Variants in SOX5 observed in about 807,000 individuals in gnomAD.
SOX5 encodes the protein transcription factor SOX-5.
In SOX5, 9 loss-of-function variants were observed where a neutral mutation model predicts 92.0. That is an observed-to-expected ratio of 0.10 (90% CI 0.06 to 0.17). The LOEUF (loss-of-function observed/expected upper bound fraction) is 0.17. Among genes scored for constraint, SOX5 ranks in the 10% least tolerant of loss-of-function variants. The pLI, the probability that SOX5 is intolerant of heterozygous loss-of-function variation, is 1.00. For missense variants in SOX5, 642 were observed against 944.5 expected, an observed-to-expected ratio of 0.68 and a Z score of 4.20; for synonymous variants, 344 against 336.3, an observed-to-expected ratio of 1.02 and a Z score of -0.25.
chr12:24,204,023 C>T (rs1957782796), intron 4 of SOX5, among the ~76,000 whole-genome samples: 1 of 152,078 alleles, frequency 6.6e-6, no homozygotes, highest in Non-Finnish European at 1.5e-5. Flanking sequence ...CACTCCCTAT[C>T]ACCTCTTCAC....
chr12:24,013,803 C>T (rs769717576), intron 4 of SOX5, among the ~76,000 whole-genome samples: 2 of 152,142 alleles, frequency 1.3e-5, no homozygotes, highest in African/African-American at 2.4e-5. Flanking sequence ...AATTAGAATG[C>T]TGTAGTTTAA....
At chr12:24,549,370 C>T (rs1264582855) in intron 1 of SOX5, among the ~76,000 whole-genome samples, 2 of 152,176 alleles carry the variant, frequency 1.3e-5, no homozygotes, top group South Asian at 2.1e-4. Context: ...GTGTCTGGCT[C>T]ATAGTAGGCA....
In SOX5 at chr12:23,816,217, T is replaced by G. The variant is rs1294017049; in HGVS notation, c.481+29766A>C. Reference sequence around the variant, plus strand: ...ACTTGGACAAGATTTCTTTTTTTTTTTTTTTTTTGTTGGATGGAGTCTCGG... The same window carrying G: ...ACTTGGACAAGATTTCTTTTTTTTTGTTTTTTTTGTTGGATGGAGTCTCGG... On this transcript the variant is annotated intron_variant, in intron 3 of 14. Coordinates refer to ENST00000451604, the MANE Select transcript of SOX5 (RefSeq NM_006940.6). 8.2e-3 allele frequency among the ~76,000 whole-genome samples: 1,243 copies of G among 151,240 alleles called. 6 individuals are homozygous for G. Among genetic ancestry groups the G allele is most frequent in the Middle Eastern group, 0.021 (6 of 292 alleles).
chr12:23,821,300 C>T (rs575218668), intron 3 of SOX5, among the ~76,000 whole-genome samples: 17 of 152,204 alleles, frequency 1.1e-4, no homozygotes, highest in Non-Finnish European at 2.4e-4. Context: ...GCTGAAGTTG[C>T]TCATCAGCTT....
chr12:24,068,704 GTATA>G (rs1164844032), intron 4 of SOX5, among the ~76,000 whole-genome samples: 2,258 of 73,396 alleles, frequency 0.031, 44 homozygotes, highest in African/African-American at 0.056. Flanking sequence ...GTGTGTGTGT[GTATA>G]TATATATATA....
chr12:24,293,866 G>A (rs1008629491), intron 2 of SOX5, among the ~76,000 whole-genome samples: 1 of 151,992 alleles, frequency 6.6e-6, no homozygotes, highest in African/African-American at 2.4e-5. Context: ...TCCTCAAATG[G>A]CATAAAGTAT....
intron 4 of SOX5, among the ~76,000 whole-genome samples, chr12:24,083,864 T>C (rs1436800858): frequency 1.3e-5 from 2 of 152,052 alleles, no homozygotes; most frequent in African/African-American, 2.4e-5. Context: ...AAAATAGGTC[T>C]GGAAATCTAG....
chr12:24,311,108 CA>C (rs1350276024), intron 2 of SOX5, among the ~76,000 whole-genome samples: 1 of 152,116 alleles, frequency 6.6e-6, no homozygotes, highest in Non-Finnish European at 1.5e-5. Flanking sequence ...ACCCTCATTC[CA>C]GACGGTCCTG....
chr12:23,776,223 T>G (rs559977015), intron 3 of SOX5, among the ~76,000 whole-genome samples: 5 of 152,324 alleles, frequency 3.3e-5, no homozygotes, highest in Non-Finnish European at 7.4e-5. Flanking sequence ...TAAGTTCTCC[T>G]GGTCATTGTA....
intron 6 of SOX5, among the ~76,000 whole-genome samples, chr12:23,703,336 CT>C (rs2090929540): frequency 6.6e-6 from 1 of 151,994 alleles, no homozygotes. Flanking sequence ...GAGCTAGAAT[CT>C]GTTAATAACC....
rs563717060 is a variant in SOX5 at position 23,888,654 on chromosome 12, C to A, written c.270+7139G>T. Among the ~76,000 whole-genome samples the A allele has an allele frequency of 2.0e-5, 3 of 152,304 alleles. No individual in the cohort carries two copies. The East Asian group carries it at 5.8e-4, about 29-fold the overall frequency. On this transcript the variant is annotated intron_variant, in intron 2 of 14. Coordinates refer to ENST00000451604, the MANE Select transcript of SOX5 (RefSeq NM_006940.6). ...GGACCCCAACTGATTGTTTTTCACA[C>A]GTCCCCATTCCTGCTAGCCCTGGGG...
intron 1 of SOX5, among the ~76,000 whole-genome samples, chr12:24,511,451 T>G (rs1055690206): frequency 6.6e-6 from 1 of 152,212 alleles, no homozygotes; most frequent in Non-Finnish European, 1.5e-5. Context: ...AACATTTAGT[T>G]TGATCAAACT....
At chr12:23,715,131 C>A (rs1284244419) in intron 6 of SOX5, among the ~76,000 whole-genome samples, 1 of 151,894 alleles carries the variant, frequency 6.6e-6, no homozygotes, top group Non-Finnish European at 1.5e-5. Context: ...AACCCCGTCT[C>A]TACTAAAAAT....
At chr12:23,675,874 A>C (rs1210894781) in intron 6 of SOX5, among the ~76,000 whole-genome samples, 1 of 152,192 alleles carries the variant, frequency 6.6e-6, no homozygotes, top group African/African-American at 2.4e-5. Context: ...AGAAAACATA[A>C]AAATGGCCAA....
chr12:24,389,106 C>A (rs965654551), intron 1 of SOX5, among the ~76,000 whole-genome samples: 2 of 152,040 alleles, frequency 1.3e-5, no homozygotes, highest in Non-Finnish European at 2.9e-5. Flanking sequence ...TCCCTCCCCC[C>A]TCCTCCCACC....
intron 3 of SOX5, among the ~76,000 whole-genome samples, chr12:24,214,256 T>A (rs544477624): frequency 3.3e-5 from 5 of 152,066 alleles, no homozygotes; most frequent in Non-Finnish European, 7.4e-5. Context: ...AAACACTCTA[T>A]AAGTAGTCAC....
intron 3 of SOX5, among the ~76,000 whole-genome samples, chr12:23,819,781 T>C (rs1247030319): frequency 6.6e-6 from 1 of 152,220 alleles, no homozygotes; most frequent in African/African-American, 2.4e-5. Context: ...TACGGCTGCA[T>C]ACCATTTCAT....
At chr12:23,630,001 G>A (rs2078326280) in intron 8 of SOX5, among the ~76,000 whole-genome samples, 1 of 151,888 alleles carries the variant, frequency 6.6e-6, no homozygotes, top group Non-Finnish European at 1.5e-5. Context: ...CAACATGTAG[G>A]TGGAATAAGG....
At chr12:24,011,724 CAATT>C (rs1402327482) in intron 4 of SOX5, among the ~76,000 whole-genome samples, 1 of 152,068 alleles carries the variant, frequency 6.6e-6, no homozygotes, top group Non-Finnish European at 1.5e-5. Flanking sequence ...TCTAAAGTAA[CAATT>C]AAGGATAGTA....
Sources: gnomAD v4.1 joint callset for allele counts (sites outside exome capture counted in the v4.1 genomes callset) on GRCh38, gnomAD v4.1.1 for gene constraint, MANE v1.5 for transcripts, NCBI Gene and HGNC (gene_info 2026-07-23, HGNC 2026-07-21) for gene names.